COL23A1: variants seen among roughly 807,000 people sequenced by gnomAD.
COL23A1 encodes collagen alpha-1(XXIII) chain.
A neutral mutation model predicts 99.3 loss-of-function variants in COL23A1; 97 were observed. The ratio of observed to expected loss-of-function variants is 0.98; its 90% CI spans 0.83 to 1.16. COL23A1 has a LOEUF of 1.16. COL23A1 is among the 50% of genes most tolerant of loss of function. The pLI is 0.00. For missense variants in COL23A1, 762 were observed against 757.4 expected, an observed-to-expected ratio of 1.01 and a Z score of -0.07; for synonymous variants, 320 against 308.2, an observed-to-expected ratio of 1.04 and a Z score of -0.40.
chr5:178,269,387 C>A, intron 6 of COL23A1, among the ~76,000 whole-genome samples: 1 of 101,154 alleles, frequency 9.9e-6, no homozygotes, highest in South Asian at 4.0e-4. Flanking sequence ...ATCCATCCAT[C>A]CACCCACCCA....
chr5:178,553,309 A>C (rs1313744570), intron 2 of COL23A1, among the ~76,000 whole-genome samples: 2 of 152,186 alleles, frequency 1.3e-5, no homozygotes, highest in African/African-American at 4.8e-5. Context: ...GACATTTTCC[A>C]TAAACTATCA....
At chr5:178,286,543 C>A (rs116971159) in intron 5 of COL23A1, among the ~76,000 whole-genome samples, 2,683 of 152,314 alleles carry the variant, frequency 0.018, 47 homozygotes, top group East Asian at 0.053. Context: ...GCCTGGCTCG[C>A]GTTCTGGGTG....
intron 2 of COL23A1, among the ~76,000 whole-genome samples, chr5:178,545,918 G>A (rs1367194463): frequency 6.6e-6 from 1 of 152,078 alleles, no homozygotes; most frequent in Non-Finnish European, 1.5e-5. Flanking sequence ...AGGGTACATC[G>A]TATTACCCCA....
chr5:178,400,903 G>C (rs1290203196), intron 2 of COL23A1, among the ~76,000 whole-genome samples: 1 of 152,160 alleles, frequency 6.6e-6, no homozygotes, highest in Non-Finnish European at 1.5e-5. Flanking sequence ...CTCCCAAAGT[G>C]CTGGGATTAC....
Position 178,238,402 on chromosome 5 carries a change from G to C in COL23A1, c.*296C>G. Reference sequence around the variant, plus strand: ...CTCTCTGCTGATCAGGTGACTGAAGGCCCAACGTAGCATCTTTCTAGCCTT... The same window carrying C: ...CTCTCTGCTGATCAGGTGACTGAAGCCCCAACGTAGCATCTTTCTAGCCTT... On this transcript the variant is annotated 3_prime_UTR_variant, in exon 29 of 29. Transcript: ENST00000390654. The C allele has an allele frequency of 2.2e-6, 1 of 459,808 alleles. No homozygotes were observed. Among genetic ancestry groups the C allele is most frequent in the Non-Finnish European group, 3.9e-6 (1 of 253,672 alleles). The allele number at this position is 459,808 out of a possible 1,614,324, so 28.5% of individuals were successfully genotyped here.
At chr5:178,445,861 G>A (rs1466484120) in intron 2 of COL23A1, among the ~76,000 whole-genome samples, 2 of 151,992 alleles carry the variant, frequency 1.3e-5, no homozygotes, top group African/African-American at 4.8e-5. Context: ...CTGAGAAACT[G>A]AAAACCATTT....
Position 178,365,788 on chromosome 5 carries a change from C to T in COL23A1, c.362-58869G>A, listed in dbSNP as rs1477786585. 6.6e-6 allele frequency among the ~76,000 whole-genome samples: 1 copy of T among 152,280 alleles called. No individual in the cohort carries two copies. Among genetic ancestry groups the T allele is most frequent in the African/African-American group, 2.4e-5 (1 of 41,562 alleles). ...TCTCACACCCAGGAGTCCTCTGTGA[C>T]CTGGGAGGGGGCCCACTCCCCCTAC... On this transcript the variant is annotated intron_variant, in intron 2 of 28. Transcript: ENST00000390654. The surrounding 1 kb of genome is among the most constrained non-coding windows in gnomAD (Gnocchi z 5.2).
At chr5:178,567,985 C>A (rs1301417992) in intron 1 of COL23A1, among the ~76,000 whole-genome samples, 2 of 152,212 alleles carry the variant, frequency 1.3e-5, no homozygotes, top group Non-Finnish European at 2.9e-5. Context: ...ATGGAGAAAT[C>A]TGGCAGATTT....
chr5:178,499,783 A>G (rs970347951), intron 2 of COL23A1, among the ~76,000 whole-genome samples: 1 of 152,260 alleles, frequency 6.6e-6, no homozygotes, highest in African/African-American at 2.4e-5. Context: ...GTAATAGATA[A>G]AAAACTGGCA....
chr5:178,519,073 G>C (rs1428506350), intron 2 of COL23A1, among the ~76,000 whole-genome samples: 2 of 151,890 alleles, frequency 1.3e-5, no homozygotes, highest in East Asian at 3.9e-4. Context: ...CGGCCACCAT[G>C]GCCGGACGGG....
intron 2 of COL23A1, among the ~76,000 whole-genome samples, chr5:178,360,328 GTTTC>G (rs1438731233): frequency 1.3e-5 from 2 of 152,226 alleles, no homozygotes; most frequent in Non-Finnish European, 2.9e-5. Context: ...AGGAAAGTAC[GTTTC>G]TTTATTAGAT....
intron 1 of COL23A1, chr5:178,561,984 AG>A (rs1312819924): frequency 2.3e-6 from 1 of 430,756 alleles, no homozygotes; most frequent in Non-Finnish European, 4.6e-6. Context: ...GGGCAACAAG[AG>A]GCGCAGAGAG....
intron 7 of COL23A1, 87 bp from the exon 8 acceptor site, chr5:178,267,420 T>C (rs2127559584): frequency 2.2e-6 from 3 of 1,344,160 alleles, no homozygotes; most frequent in East Asian, 2.4e-5. Context: ...CAGTGCTTCA[T>C]AGACATGGTA....
At chr5:178,411,561 T>C (rs1442424748) in intron 2 of COL23A1, among the ~76,000 whole-genome samples, 3 of 152,160 alleles carry the variant, frequency 2.0e-5, no homozygotes, top group Non-Finnish European at 4.4e-5. Context: ...ATAACTTACA[T>C]GAAATATACA....
At chr5:178,276,979 G>GGCTGCTGCCCTCTGT (rs1482803971) in intron 5 of COL23A1, among the ~76,000 whole-genome samples, 1 of 152,208 alleles carries the variant, frequency 6.6e-6, no homozygotes. Flanking sequence ...GCCTTGCTTG[G>GGCTGCTGCCCTCTGT]GCTGCTGCCC....
intron 2 of COL23A1, among the ~76,000 whole-genome samples, chr5:178,311,641 C>T (rs897176162): frequency 1.5e-5 from 2 of 136,822 alleles, no homozygotes; most frequent in Admixed American, 7.5e-5. Flanking sequence ...CAGCTTCACA[C>T]GTCTGGGCTC....
intron 5 of COL23A1, among the ~76,000 whole-genome samples, chr5:178,276,832 T>C (rs990893987): frequency 6.6e-6 from 1 of 152,230 alleles, no homozygotes; most frequent in Non-Finnish European, 1.5e-5. Flanking sequence ...CACTTCTTCC[T>C]GGGACCTAGG....
chr5:178,325,363 C>T (rs1465463727), intron 2 of COL23A1, among the ~76,000 whole-genome samples: 1 of 134,012 alleles, frequency 7.5e-6, no homozygotes, highest in African/African-American at 3.0e-5. Context: ...CCTCTCCAGC[C>T]CGTTCCGCCC....
chr5:178,493,510 T>G (rs771522638), intron 2 of COL23A1, among the ~76,000 whole-genome samples: 1 of 152,262 alleles, frequency 6.6e-6, no homozygotes, highest in Non-Finnish European at 1.5e-5. Context: ...GTCAGCCACC[T>G]GCCCTACTCT....
Sources: gnomAD v4.1 joint callset for allele counts (sites outside exome capture counted in the v4.1 genomes callset) on GRCh38, gnomAD v4.1.1 for gene constraint, Gnocchi (gnomAD v3.1) non-coding constraint, MANE v1.5 for transcripts, NCBI Gene and HGNC (gene_info 2026-07-23, HGNC 2026-07-21) for gene names.